The following AMPH variants were observed in gnomAD, a reference collection of about 807,000 sequenced individuals.
AMPH encodes amphiphysin (Stiff-Mann syndrome with breast cancer 128kD autoantigen).
A neutral mutation model predicts 99.1 loss-of-function variants in AMPH; 49 were observed. The observed-to-expected ratio is 0.49, with a 90% CI of 0.39 to 0.63. AMPH has a LOEUF of 0.63. Ranked by LOEUF, AMPH falls within the 20% of genes least tolerant of loss-of-function variation. AMPH has a pLI of 0.00. For missense variants in AMPH, 759 were observed against 863.4 expected, an observed-to-expected ratio of 0.88 and a Z score of 1.52; for synonymous variants, 314 against 317.3, an observed-to-expected ratio of 0.99 and a Z score of 0.11.
intron 1 of AMPH, among the ~76,000 whole-genome samples, chr7:38,547,505 T>C (rs1057465019): frequency 2.1e-4 from 32 of 152,176 alleles, no homozygotes; most frequent in Admixed American, 2.0e-3. Flanking sequence ...TTCAGGAACA[T>C]AAGCCCTGCA....
chr7:38,554,110 C>T (rs1791280428), intron 1 of AMPH, among the ~76,000 whole-genome samples: 1 of 152,248 alleles, frequency 6.6e-6, no homozygotes, highest in Non-Finnish European at 1.5e-5. Context: ...AGCTTCCTGA[C>T]ACCAGGAAGA....
At chr7:38,526,641 A>C (rs775455029) in intron 2 of AMPH, among the ~76,000 whole-genome samples, 1 of 151,754 alleles carries the variant, frequency 6.6e-6, no homozygotes, top group Non-Finnish European at 1.5e-5. Flanking sequence ...CGGAGTTTTA[A>C]GTTTCTTTTA....
At chr7:38,602,186 C>A (rs897109925) in intron 1 of AMPH, among the ~76,000 whole-genome samples, 3 of 152,210 alleles carry the variant, frequency 2.0e-5, no homozygotes, top group African/African-American at 7.2e-5. Flanking sequence ...GGATGAGACA[C>A]CTTGTCCCAA....
intron 1 of AMPH, among the ~76,000 whole-genome samples, chr7:38,575,661 C>T (rs371023944): frequency 6.6e-6 from 1 of 152,138 alleles, no homozygotes; most frequent in Non-Finnish European, 1.5e-5. Context: ...TTATAAGTGT[C>T]CTGAGGCCTC....
Position 38,465,486 on chromosome 7 carries a change from T to C in AMPH, c.730A>G (p.Thr244Ala). The C allele has an allele frequency of 6.3e-7, 1 of 1,580,784 alleles. No homozygotes were observed. The highest frequency in any genetic ancestry group is 2.3e-5 in the East Asian group (1 of 43,982). Residue 244 changes from threonine to alanine, a missense_variant, in exon 9 of 21, where the codon ACC becomes GCC. Thr to Ala is a moderately conservative substitution (Grantham distance 58). This residue lies in a region of AMPH where 554 missense variants were observed against 575.6 expected (regional missense o/e 0.96). Transcript: ENST00000356264. Reference sequence around the variant, plus strand: ...GCCTACCTGGGCGCTCCTTGGATGGTGAAGGCCTTGTCGGCGTGCTGGTCA... The same window carrying C: ...GCCTACCTGGGCGCTCCTTGGATGGCGAAGGCCTTGTCGGCGTGCTGGTCA... The part of the protein sequence containing the change: ...LGDQHADKAF[T>A]IQGAPSDSGP...
chr7:38,549,322 G>A (rs1233440640), intron 1 of AMPH, among the ~76,000 whole-genome samples: 3 of 152,102 alleles, frequency 2.0e-5, no homozygotes, highest in Admixed American at 6.5e-5. Context: ...CAATTTCATA[G>A]GTACATAAGA....
At chr7:38,422,261 T>C (rs549506895) in intron 16 of AMPH, among the ~76,000 whole-genome samples, 160 bp downstream of exon 16, 1 of 152,302 alleles carries the variant, frequency 6.6e-6, no homozygotes, top group East Asian at 1.9e-4. Context: ...AAAGTCACAC[T>C]GAGGTTTTAC....
chr7:38,505,804 C>A (rs1168831590), intron 2 of AMPH, among the ~76,000 whole-genome samples: 3 of 151,884 alleles, frequency 2.0e-5, no homozygotes, highest in Admixed American at 6.6e-5. Flanking sequence ...GGGTCTTTCC[C>A]CTACTAAATA....
chr7:38,445,974 A>G (rs1194373774), intron 11 of AMPH, among the ~76,000 whole-genome samples: 1 of 152,152 alleles, frequency 6.6e-6, no homozygotes, highest in Non-Finnish European at 1.5e-5. Context: ...CTGCCATGTT[A>G]GACACCTGCT....
At chr7:38,508,056 A>T (rs572141945) in intron 2 of AMPH, among the ~76,000 whole-genome samples, 41 of 152,334 alleles carry the variant, frequency 2.7e-4, no homozygotes, top group South Asian at 6.2e-4. Flanking sequence ...GTTTACCTTT[A>T]ACTCAGTTAT....
chr7:38,615,635 G>A (rs367761978), intron 1 of AMPH, among the ~76,000 whole-genome samples: 4 of 152,158 alleles, frequency 2.6e-5, no homozygotes, highest in African/African-American at 9.6e-5. Flanking sequence ...GGTCAGAGGG[G>A]AGCTACAGTC....
intron 1 of AMPH, among the ~76,000 whole-genome samples, chr7:38,577,185 C>A (rs181051797): frequency 6.6e-6 from 1 of 152,136 alleles, no homozygotes; most frequent in East Asian, 1.9e-4. Flanking sequence ...CAAATGACAT[C>A]CAAAAACTAA....
intron 2 of AMPH, among the ~76,000 whole-genome samples, chr7:38,514,906 G>C (rs991434003): frequency 1.3e-5 from 2 of 152,190 alleles, no homozygotes; most frequent in Non-Finnish European, 2.9e-5. Flanking sequence ...TTTAGAATTG[G>C]GTAATGGATA....
At chr7:38,550,945 T>C (rs1016458049) in intron 1 of AMPH, among the ~76,000 whole-genome samples, 28 of 152,312 alleles carry the variant, frequency 1.8e-4, no homozygotes, top group African/African-American at 6.7e-4. Context: ...TTTGAATATC[T>C]GGCTCAGTGA....
chr7:38,551,051 C>G (rs774951572), intron 1 of AMPH, among the ~76,000 whole-genome samples: 7 of 152,100 alleles, frequency 4.6e-5, no homozygotes, highest in Non-Finnish European at 1.0e-4. Context: ...TGCTCAAAAC[C>G]CCTGTGGATG....
At chr7:38,421,439 C>T (rs1393736138) in intron 16 of AMPH, among the ~76,000 whole-genome samples, 1 of 152,192 alleles carries the variant, frequency 6.6e-6, no homozygotes, top group East Asian at 1.9e-4. Context: ...GTATTTGAAA[C>T]ATTTAAATAT....
intron 1 of AMPH, among the ~76,000 whole-genome samples, chr7:38,591,886 G>A (rs1018313164): frequency 1.2e-4 from 18 of 152,252 alleles, no homozygotes; most frequent in East Asian, 1.2e-3. Flanking sequence ...CAGCTTGGTC[G>A]TGGAGACCCT....
At chr7:38,537,365 A>G (rs1790651430) in intron 1 of AMPH, among the ~76,000 whole-genome samples, 1 of 152,192 alleles carries the variant, frequency 6.6e-6, no homozygotes, top group African/African-American at 2.4e-5. Flanking sequence ...TGGCCAGCAT[A>G]TAGTTAATGC....
chr7:38,414,687 CAG>C (rs1785314547), intron 17 of AMPH, among the ~76,000 whole-genome samples: 1 of 150,636 alleles, frequency 6.6e-6, no homozygotes, highest in Non-Finnish European at 1.5e-5. Context: ...TTTTTTGAGA[CAG>C]AGTCTCACTC....
Sources: gnomAD v4.1 joint callset for allele counts (sites outside exome capture counted in the v4.1 genomes callset) on GRCh38, gnomAD v4.1.1 for gene constraint, gnomAD v4.1.1 regional missense constraint, MANE v1.5 for transcripts, NCBI Gene and HGNC (gene_info 2026-07-23, HGNC 2026-07-21) for gene names.